The following AP2B1 variants were observed in gnomAD, a reference collection of about 807,000 sequenced individuals.
The protein encoded by AP2B1 is AP-2 complex subunit beta.
Under a neutral mutation model 102.0 loss-of-function variants are expected in AP2B1, and 23 were observed. The ratio of observed to expected loss-of-function variants is 0.23; its 90% CI spans 0.16 to 0.32. The LOEUF (loss-of-function observed/expected upper bound fraction) is 0.32. AP2B1 is among the 10% of genes least tolerant of loss of function. The pLI is 1.00. For synonymous variants in AP2B1, 381 were observed against 421.2 expected, an observed-to-expected ratio of 0.90 and a Z score of 1.17; for missense variants, 541 against 1,157.4, an observed-to-expected ratio of 0.47 and a Z score of 7.73.
chr17:35,661,063 G>A (rs1217053538), intron 14 of AP2B1, among the ~76,000 whole-genome samples: 1 of 152,114 alleles, frequency 6.6e-6, no homozygotes, highest in East Asian at 1.9e-4. Context: ...TAGACTGTTG[G>A]TTCTATTTTT....
chr17:35,705,887 C>T (rs1052382147), intron 18 of AP2B1, among the ~76,000 whole-genome samples: 1 of 152,128 alleles, frequency 6.6e-6, no homozygotes, highest in Non-Finnish European at 1.5e-5. Context: ...ACTTATGAGT[C>T]AAGGCTGTTC....
At chr17:35,697,578 TGCTGAGCAA>T (rs2076164200) in intron 18 of AP2B1, among the ~76,000 whole-genome samples, 1 of 152,306 alleles carries the variant, frequency 6.6e-6, no homozygotes, top group South Asian at 2.1e-4. Flanking sequence ...CAGGAAATGG[TGCTGAGCAA>T]GCCCTTTTTA....
intron 21 of AP2B1, among the ~76,000 whole-genome samples, chr17:35,720,541 TTATTTATATATATA>T (rs1222282148): frequency 1.9e-5 from 2 of 105,264 alleles, no homozygotes; most frequent in Non-Finnish European, 3.8e-5. Context: ...TATTTTTATT[TTATTTATATATATA>T]TATATATATA....
intron 15 of AP2B1, among the ~76,000 whole-genome samples, chr17:35,671,116 A>G (rs985743991): frequency 6.6e-6 from 1 of 152,208 alleles, no homozygotes; most frequent in Admixed American, 6.5e-5. Context: ...TTAATGTTCC[A>G]GTGCCTATAG....
chr17:35,686,747 G>A (rs1365953501), intron 18 of AP2B1, among the ~76,000 whole-genome samples: 3 of 152,126 alleles, frequency 2.0e-5, no homozygotes, highest in East Asian at 3.8e-4. Flanking sequence ...GGCGGATCAC[G>A]AGGTCAGGAG....
At chr17:35,672,048 C>CCTACTGCTAAGTTTG in intron 16 of AP2B1, 148 bp downstream of exon 16, 1 of 749,638 alleles carries the variant, frequency 1.3e-6, no homozygotes, top group Non-Finnish European at 2.0e-6. Context: ...AAGGTGGCTT[C>CCTACTGCTAAGTTTG]AAACTTAGCA....
At chr17:35,711,764 C>G (rs1335556785) in intron 20 of AP2B1, among the ~76,000 whole-genome samples, 1 of 152,248 alleles carries the variant, frequency 6.6e-6, no homozygotes, top group Non-Finnish European at 1.5e-5. Flanking sequence ...AGCCACTGCA[C>G]CCAGCCCAGC....
intron 20 of AP2B1, among the ~76,000 whole-genome samples, chr17:35,714,772 A>G (rs148813552): frequency 3.3e-5 from 5 of 152,302 alleles, no homozygotes; most frequent in African/African-American, 1.2e-4. Flanking sequence ...AAGGGTAACT[A>G]TATTTGACCA....
At chr17:35,629,665 G>A (rs998735960) in intron 9 of AP2B1, among the ~76,000 whole-genome samples, 21 of 152,186 alleles carry the variant, frequency 1.4e-4, no homozygotes, top group African/African-American at 5.1e-4. Flanking sequence ...GCTCGTTTCT[G>A]TTTAAGAAAG....
At chr17:35,598,165 A>T (rs2073355366) in intron 2 of AP2B1, 65 bp from the exon 3 acceptor site, 1 of 780,884 alleles carries the variant, frequency 1.3e-6, no homozygotes, top group Non-Finnish European at 2.1e-6. Flanking sequence ...GTTATTACAT[A>T]GTGTAGTATT....
At chr17:35,632,443 A>T (rs1340895280) in intron 9 of AP2B1, among the ~76,000 whole-genome samples, 1 of 152,098 alleles carries the variant, frequency 6.6e-6, no homozygotes, top group Non-Finnish European at 1.5e-5. Flanking sequence ...CCCTTGTTTT[A>T]TAGTTTAAGG....
At chr17:35,652,762 T>C (rs2075119532) in intron 13 of AP2B1, among the ~76,000 whole-genome samples, 1 of 152,188 alleles carries the variant, frequency 6.6e-6, no homozygotes, top group Admixed American at 6.5e-5. Context: ...TTCATTCCTT[T>C]CCATTAGAGT....
At chr17:35,679,612 A>G (rs2075774720) in intron 17 of AP2B1, among the ~76,000 whole-genome samples, 1 of 152,026 alleles carries the variant, frequency 6.6e-6, no homozygotes, top group East Asian at 1.9e-4. Context: ...AGGTGAAATT[A>G]CAGCTTTATA....
At chr17:35,588,058 C>T (rs1299550083) in intron 1 of AP2B1, among the ~76,000 whole-genome samples, 1 of 115,636 alleles carries the variant, frequency 8.6e-6, no homozygotes, top group African/African-American at 3.5e-5. Flanking sequence ...CAAATCTTAA[C>T]CCAGCATCTT....
intron 9 of AP2B1, among the ~76,000 whole-genome samples, chr17:35,630,534 G>C (rs1417800015): frequency 6.6e-6 from 1 of 152,114 alleles, no homozygotes; most frequent in Non-Finnish European, 1.5e-5. Context: ...CCACAAGACT[G>C]CCATTGTCTT....
chr17:35,633,899 C>T (rs1216819746), intron 9 of AP2B1, among the ~76,000 whole-genome samples: 1 of 152,166 alleles, frequency 6.6e-6, no homozygotes, highest in African/African-American at 2.4e-5. Context: ...GTAATACTAG[C>T]ACTTTGGGAG....
Position 35,709,142 on chromosome 17 carries a change from TATTTCTAGACACA to T in AP2B1, c.2455-81_2455-69del. On this transcript the variant is annotated intron_variant, in intron 18 of 21. Transcript: ENST00000610402. ...GAAAGAGGAAGGAAATAGGGAGGCC[TATTTCTAGACACA>T]GCGCTGTTCTTTTCCTCCTACCTGG... 3 of 1,231,642 alleles carry T rather than the reference TATTTCTAGACACA, an allele frequency of 2.4e-6. No homozygotes were observed. In the South Asian group the frequency reaches 3.6e-5, roughly 15 times the overall value. The allele number at this position is 1,231,642 out of a possible 1,614,324, so 76.3% of individuals were successfully genotyped here.
intron 12 of AP2B1, among the ~76,000 whole-genome samples, chr17:35,648,127 C>T (rs2074987829): frequency 6.6e-6 from 1 of 152,096 alleles, no homozygotes; most frequent in South Asian, 2.1e-4. Context: ...GCTGTTGGAA[C>T]AACTCGTGCA....
intron 18 of AP2B1, among the ~76,000 whole-genome samples, chr17:35,691,026 A>G (rs999349830): frequency 1.3e-5 from 2 of 152,160 alleles, no homozygotes; most frequent in African/African-American, 2.4e-5. Context: ...TAAATCTCAC[A>G]TAAACATTGT....
Sources: gnomAD v4.1 joint callset for allele counts (sites outside exome capture counted in the v4.1 genomes callset) on GRCh38, gnomAD v4.1.1 for gene constraint, MANE v1.5 for transcripts, NCBI Gene and HGNC (gene_info 2026-07-23, HGNC 2026-07-21) for gene names.